The following ARHGAP42 variants were observed in gnomAD, a reference collection of about 807,000 sequenced individuals.
ARHGAP42 encodes the protein rho GTPase-activating protein 42.
ARHGAP42 carries 63 observed loss-of-function variants against 125.0 expected under a neutral mutation model. The ratio of observed to expected loss-of-function variants is 0.50; its 90% CI spans 0.41 to 0.62. ARHGAP42 has a LOEUF of 0.62. Ranked by LOEUF, ARHGAP42 falls within the 20% of genes least tolerant of loss-of-function variation. The probability of loss-of-function intolerance (pLI) is 0.00; values close to 1 mark genes in which losing one functional copy is unlikely to be tolerated. For synonymous variants in ARHGAP42, 339 were observed against 351.0 expected (o/e 0.97, Z 0.38); for missense variants, 766 against 1,024.2 (o/e 0.75, Z 3.44).
At chr11:100,942,014 G>T (rs1867898848) in intron 9 of ARHGAP42, 130 bp downstream of exon 9, 1 of 720,614 alleles carries the variant, frequency 1.4e-6, no homozygotes, top group Non-Finnish European at 2.2e-6. Context: ...AAGGTCAAAG[G>T]TTTTCTCTCA....
chr11:100,745,950 A>G (rs1862294419), intron 1 of ARHGAP42, among the ~76,000 whole-genome samples: 1 of 152,144 alleles, frequency 6.6e-6, no homozygotes, highest in Admixed American at 6.5e-5. Context: ...ATGGGACTCT[A>G]ATTGTGTCTA....
At chr11:100,741,503 C>T (rs1862186465) in intron 1 of ARHGAP42, among the ~76,000 whole-genome samples, 1 of 152,114 alleles carries the variant, frequency 6.6e-6, no homozygotes, top group Non-Finnish European at 1.5e-5. Flanking sequence ...TGTTACCGAC[C>T]CTTGCACATT....
intron 4 of ARHGAP42, among the ~76,000 whole-genome samples, chr11:100,902,133 A>G (rs1212423595): frequency 2.0e-5 from 3 of 152,242 alleles, no homozygotes; most frequent in Admixed American, 2.0e-4. Flanking sequence ...GAATTGGCTC[A>G]TGTGGCTTAT....
At chr11:100,866,993 T>C (rs533167092) in intron 4 of ARHGAP42, among the ~76,000 whole-genome samples, 1 of 152,310 alleles carries the variant, frequency 6.6e-6, no homozygotes, top group African/African-American at 2.4e-5. Flanking sequence ...TGAGTAGTAC[T>C]ATATTTTAAG....
intron 10 of ARHGAP42, among the ~76,000 whole-genome samples, chr11:100,946,384 G>T (rs1315795282): frequency 6.6e-6 from 1 of 151,966 alleles, no homozygotes; most frequent in African/African-American, 2.4e-5. Flanking sequence ...TTTTTCCTTT[G>T]CATTCACAGC....
intron 4 of ARHGAP42, among the ~76,000 whole-genome samples, chr11:100,886,293 C>T (rs1254270174): frequency 1.3e-5 from 2 of 152,052 alleles, no homozygotes; most frequent in African/African-American, 2.4e-5. Context: ...TGAATCTAAA[C>T]GTGTAGCTGT....
intron 3 of ARHGAP42, among the ~76,000 whole-genome samples, chr11:100,836,927 T>G (rs1864802252): frequency 6.6e-6 from 1 of 151,938 alleles, no homozygotes; most frequent in South Asian, 2.1e-4. Context: ...CATGAATAAC[T>G]GACTAGTTCC....
chr11:100,844,766 C>T (rs1007405681), intron 3 of ARHGAP42, among the ~76,000 whole-genome samples: 1 of 151,986 alleles, frequency 6.6e-6, no homozygotes, highest in African/African-American at 2.4e-5. Flanking sequence ...CAAGAATGGC[C>T]ATAATCAAAA....
At chr11:100,870,787 A>G (rs1865677085) in intron 4 of ARHGAP42, among the ~76,000 whole-genome samples, 1 of 152,230 alleles carries the variant, frequency 6.6e-6, no homozygotes, top group African/African-American at 2.4e-5. Context: ...GTAGATTTGT[A>G]GTGCTCATCA....
intron 2 of ARHGAP42, among the ~76,000 whole-genome samples, chr11:100,790,985 A>AGC (rs1158628058): frequency 6.6e-6 from 1 of 152,248 alleles, no homozygotes; most frequent in East Asian, 1.9e-4. Flanking sequence ...GATTTTGCTT[A>AGC]AGGAAAGTCT....
At chr11:100,910,703 G>C (rs554764214) in intron 4 of ARHGAP42, among the ~76,000 whole-genome samples, 1 of 151,774 alleles carries the variant, frequency 6.6e-6, no homozygotes, top group East Asian at 1.9e-4. Context: ...GGAGATGTGA[G>C]TTGCAAGGAA....
chr11:100,805,721 C>G (rs566486419), intron 3 of ARHGAP42, among the ~76,000 whole-genome samples: 47 of 152,306 alleles, frequency 3.1e-4, no homozygotes, highest in Admixed American at 6.5e-4. Context: ...CTGAAGGTCC[C>G]TTCCCTTTTT....
At chr11:100,924,376 A>G (rs1471426362) in intron 6 of ARHGAP42, among the ~76,000 whole-genome samples, 1 of 152,068 alleles carries the variant, frequency 6.6e-6, no homozygotes, top group Non-Finnish European at 1.5e-5. Context: ...TATTAAGAAT[A>G]AATATTCTGG....
chr11:100,992,553 G>T lies in ARHGAP42; in HGVS notation c.*3752G>T, dbSNP rs781576296. 6.2e-7 allele frequency: 1 copy of T among 1,613,840 alleles called. No individual in the cohort carries two copies. The highest frequency in any genetic ancestry group is 1.3e-5 in the African/African-American group (1 of 74,872). On this transcript the variant is annotated 3_prime_UTR_variant, in exon 24 of 24. Coordinates refer to ENST00000298815, the MANE Select transcript of ARHGAP42 (RefSeq NM_152432.4). ...TGTCCTGCCTGTCTCCTGTTGATTC[G>T]CAGATGTAATATCGAGTATTCATCA...
At chr11:100,789,629 A>G (rs556698752) in intron 2 of ARHGAP42, among the ~76,000 whole-genome samples, 48 of 152,284 alleles carry the variant, frequency 3.2e-4, no homozygotes, top group African/African-American at 9.9e-4. Flanking sequence ...TGATCACCTA[A>G]TGCGTCTTGC....
chr11:100,981,651 C>T (rs972286177), intron 22 of ARHGAP42, among the ~76,000 whole-genome samples: 2 of 152,128 alleles, frequency 1.3e-5, no homozygotes, highest in Non-Finnish European at 2.9e-5. Context: ...TATGATGCAC[C>T]AGAACAGATC....
chr11:100,970,370 A>G (rs1858207275), intron 17 of ARHGAP42, among the ~76,000 whole-genome samples: 1 of 152,070 alleles, frequency 6.6e-6, no homozygotes, highest in South Asian at 2.1e-4. Context: ...CTCTTCAGAG[A>G]ATGCAGCCTG....
chr11:100,883,339 GT>G (rs1866004858), intron 4 of ARHGAP42, among the ~76,000 whole-genome samples: 1 of 152,050 alleles, frequency 6.6e-6, no homozygotes, highest in South Asian at 2.1e-4. Flanking sequence ...GTTTCTGTTT[GT>G]TTTGTTTTTT....
intron 2 of ARHGAP42, among the ~76,000 whole-genome samples, chr11:100,792,309 C>T (rs1456604776): frequency 1.3e-5 from 2 of 152,030 alleles, no homozygotes; most frequent in African/African-American, 4.8e-5. Flanking sequence ...GAAAATAAAG[C>T]ATTTGTAGCA....
Sources: gnomAD v4.1 joint callset for allele counts (sites outside exome capture counted in the v4.1 genomes callset) on GRCh38, gnomAD v4.1.1 for gene constraint, MANE v1.5 for transcripts, NCBI Gene and HGNC (gene_info 2026-07-23, HGNC 2026-07-21) for gene names.